The following TARS1 variants were observed in gnomAD, a reference collection of about 807,000 sequenced individuals.
TARS1 encodes the protein threonyl-tRNA synthetase 1, also known as threonine--tRNA ligase 1, cytoplasmic.
A neutral mutation model predicts 97.7 loss-of-function variants in TARS1; 57 were observed. That is an observed-to-expected ratio of 0.58 (90% CI 0.47 to 0.73). The LOEUF (loss-of-function observed/expected upper bound fraction) is 0.73. Ranked by LOEUF, TARS1 falls within the 30% of genes least tolerant of loss-of-function variation. The pLI, the probability that TARS1 is intolerant of heterozygous loss-of-function variation, is 0.00. For synonymous variants in TARS1, 312 were observed against 293.7 expected, an observed-to-expected ratio of 1.06 and a Z score of -0.64; for missense variants, 806 against 888.3, an observed-to-expected ratio of 0.91 and a Z score of 1.18.
chr5:33,451,524 G>A (rs1039805263), intron 3 of TARS1, among the ~76,000 whole-genome samples: 7 of 152,088 alleles, frequency 4.6e-5, no homozygotes. Context: ...ACAGGCGCCC[G>A]CCACCACGCC....
At chr5:33,454,855 A>G (rs897971801) in intron 4 of TARS1, 90 bp from the exon 5 acceptor site, 8 of 1,484,630 alleles carry the variant, frequency 5.4e-6, no homozygotes, top group Non-Finnish European at 7.2e-6. Context: ...CTTGTAGTAA[A>G]TATTATCATC....
intron 11 of TARS1, 170 bp downstream of exon 11, chr5:33,460,031 T>C: frequency 1.8e-6 from 1 of 560,968 alleles, no homozygotes; most frequent in Non-Finnish European, 2.8e-6. Flanking sequence ...ATCCCCACTT[T>C]TTTTTTTTTT....
intron 3 of TARS1, chr5:33,452,377 A>G (rs1055091041): frequency 3.9e-6 from 6 of 1,535,168 alleles, no homozygotes; most frequent in African/African-American, 2.7e-5. Context: ...CTTCACTTGC[A>G]TCTCTGCTTG....
intron 1 of TARS1, among the ~76,000 whole-genome samples, chr5:33,442,150 G>A (rs900089195): frequency 1.3e-5 from 2 of 152,154 alleles, no homozygotes; most frequent in South Asian, 2.1e-4. Flanking sequence ...CCAAGTCTGT[G>A]ACAGGACAGT....
At chr5:33,441,243 C>G in intron 1 of TARS1, 100 bp downstream of exon 1, 1 of 1,467,932 alleles carries the variant, frequency 6.8e-7, no homozygotes, top group South Asian at 1.2e-5. Context: ...AGGAAGCGGC[C>G]GGGACCGCGT....
intron 1 of TARS1, among the ~76,000 whole-genome samples, chr5:33,443,127 C>G (rs1197088321): frequency 6.6e-6 from 1 of 152,152 alleles, no homozygotes; most frequent in East Asian, 1.9e-4. Flanking sequence ...GAACAGTTGC[C>G]TACTCTCTTC....
At chr5:33,455,100 C>T (rs1372177224) in intron 5 of TARS1, 34 bp downstream of exon 5, 3 of 1,610,312 alleles carry the variant, frequency 1.9e-6, no homozygotes, top group African/African-American at 1.3e-5. Flanking sequence ...AAACTGAAGT[C>T]AATGACTATG....
intron 2 of TARS1, chr5:33,446,008 A>C (rs1340921253): frequency 2.6e-5 from 4 of 153,618 alleles, no homozygotes; most frequent in Non-Finnish European, 4.3e-5. Context: ...CAGGCAGTTA[A>C]GCTTGCCTTT....
rs149182944 is a variant in TARS1 at position 33,460,980 on chromosome 5, C to T, written c.1329C>T (p.Asn443=). Residue 443 remains asparagine (N), a synonymous_variant, in exon 12 of 19, where the codon AAC becomes AAT. Coordinates refer to ENST00000265112, the MANE Select transcript of TARS1 (RefSeq NM_152295.5). ...CTGATTTTGGGGTACTTCATAGGAA[C>T]GAGCTGTCTGGAGCACTCACAGGAC... ...RLADFGVLHR[N]ELSGALTGLT... 190 of 1,614,104 alleles carry T rather than the reference C, an allele frequency of 1.2e-4. No homozygotes were observed. The African/African-American group carries it at 2.0e-3, about 17-fold the overall frequency.
chr5:33,453,549 C>T (rs942431335), intron 4 of TARS1, 137 bp downstream of exon 4: 4 of 1,184,848 alleles, frequency 3.4e-6, no homozygotes, highest in African/African-American at 1.6e-5. Context: ...TTCATTTTGT[C>T]CTTCATTTAG....
chr5:33,452,872 C>T (rs1723187386), intron 3 of TARS1, among the ~76,000 whole-genome samples: 1 of 151,418 alleles, frequency 6.6e-6, no homozygotes, highest in African/African-American at 2.4e-5. Flanking sequence ...CCAGTTGTCC[C>T]AGCTACTCTA....
At chr5:33,455,899 A>G (rs549780991) in intron 6 of TARS1, 103 bp from the exon 7 acceptor site, 45 of 1,048,262 alleles carry the variant, frequency 4.3e-5, no homozygotes, top group Middle Eastern at 2.4e-4. Flanking sequence ...TAAAACATGA[A>G]GTATCAACAT....
In TARS1 at chr5:33,445,385, G is replaced by A. The variant is rs773033351; in HGVS notation, c.119G>A (p.Gly40Glu). The A allele has an allele frequency of 2.0e-5, 33 of 1,613,288 alleles. No individual in the cohort carries two copies. The highest frequency in any genetic ancestry group is 3.3e-5 in the Admixed American group (2 of 59,962). The change falls in exon 2 of 19, where the codon GGA (glycine) becomes GAA (glutamate). Residue 40 changes from glycine to glutamate, a missense_variant. By Grantham distance (98) the Gly-to-Glu change is moderately conservative. Transcript: ENST00000265112. ...AAAAAGAAGAACAAAGAAGGATCTG[G>A]AGATGGAGGTCGAGCTGAGGTAAAA... ...GGKKKNKEGSGDGGRAELNPW... is the reference protein window; with the variant it reads ...GGKKKNKEGSEDGGRAELNPW...
chr5:33,452,854 G>C (rs11955272), intron 3 of TARS1, among the ~76,000 whole-genome samples: 40,782 of 151,454 alleles, frequency 0.27, 6,418 homozygotes, highest in African/African-American at 0.44. Context: ...TCGGTGTGGT[G>C]ACTTGTGCCA....
intron 1 of TARS1, among the ~76,000 whole-genome samples, chr5:33,444,938 G>A (rs1191811053): frequency 6.6e-6 from 1 of 151,990 alleles, no homozygotes; most frequent in East Asian, 1.9e-4. Flanking sequence ...GGAATTCATG[G>A]GCACACTTTG....
intron 3 of TARS1, 122 bp from the exon 4 acceptor site, chr5:33,453,167 T>G (rs748775731): frequency 8.4e-7 from 1 of 1,185,210 alleles, no homozygotes; most frequent in Non-Finnish European, 1.1e-6. Flanking sequence ...TTCAGAAAAA[T>G]AGAGATACAT....
chr5:33,449,333 ATATATACACGTG>A (rs1561069856), intron 3 of TARS1, among the ~76,000 whole-genome samples: 11 of 145,032 alleles, frequency 7.6e-5, no homozygotes, highest in South Asian at 2.3e-4. Flanking sequence ...ATATACGCGT[ATATATACACGTG>A]TATATATATA....
At chr5:33,453,125 A>G (rs536871787) in intron 3 of TARS1, among the ~76,000 whole-genome samples, 164 bp from the exon 4 acceptor site, 174 of 152,052 alleles carry the variant, frequency 1.1e-3, no homozygotes, top group Non-Finnish European at 2.0e-3. Flanking sequence ...TCTTAGGTAC[A>G]TTTTTGGAAT....
At chr5:33,452,656 T>C (rs1741801551) in intron 3 of TARS1, among the ~76,000 whole-genome samples, 1 of 152,194 alleles carries the variant, frequency 6.6e-6, no homozygotes, top group Non-Finnish European at 1.5e-5. Context: ...ATATTTGTTA[T>C]AAATATTATC....
Sources: gnomAD v4.1 joint callset for allele counts (sites outside exome capture counted in the v4.1 genomes callset) on GRCh38, gnomAD v4.1.1 for gene constraint, MANE v1.5 for transcripts, NCBI Gene and HGNC (gene_info 2026-07-23, HGNC 2026-07-21) for gene names.